TTC13: variants seen among roughly 807,000 people sequenced by gnomAD.
The protein encoded by TTC13 is tetratricopeptide repeat protein 13.
Under a neutral mutation model 120.0 loss-of-function variants are expected in TTC13, and 62 were observed. The ratio of observed to expected loss-of-function variants is 0.52; its 90% confidence interval spans 0.42 to 0.64. The LOEUF (loss-of-function observed/expected upper bound fraction) is 0.64. Ranked by LOEUF, TTC13 falls within the 30% of genes least tolerant of loss-of-function variation. The probability of loss-of-function intolerance (pLI) is 0.00; values close to 1 mark genes in which losing one functional copy is unlikely to be tolerated. For synonymous variants in TTC13, 384 were observed against 393.5 expected, an observed-to-expected ratio of 0.98 and a Z score of 0.28; for missense variants, 824 against 1,050.2, an observed-to-expected ratio of 0.78 and a Z score of 2.98.
chr1:230,952,845 TGTTAAA>T (rs1297270668), intron 4 of TTC13, among the ~76,000 whole-genome samples: 1 of 152,178 alleles, frequency 6.6e-6, no homozygotes, highest in Admixed American at 6.5e-5. Flanking sequence ...ATTTAAACAA[TGTTAAA>T]GTGGCAGAAT....
At chr1:230,926,677 G>A (rs1673079162) in intron 12 of TTC13, among the ~76,000 whole-genome samples, 1 of 152,146 alleles carries the variant, frequency 6.6e-6, no homozygotes, top group South Asian at 2.1e-4. Flanking sequence ...ACTCTTTTGT[G>A]CATCGAAATA....
intron 4 of TTC13, among the ~76,000 whole-genome samples, chr1:230,951,374 TAAA>T (rs1225960531): frequency 7.4e-6 from 1 of 135,768 alleles, no homozygotes. Flanking sequence ...ATGAGCTGTC[TAAA>T]AAAAAAAAAA....
chr1:230,933,270 G>A (rs1207572441), intron 9 of TTC13, among the ~76,000 whole-genome samples: 1 of 151,900 alleles, frequency 6.6e-6, no homozygotes, highest in Non-Finnish European at 1.5e-5. Flanking sequence ...ACCGCTCCCG[G>A]CTTACTTTTT....
chr1:230,908,595 T>G, intron 22 of TTC13, 117 bp downstream of exon 22: 1 of 751,962 alleles, frequency 1.3e-6, no homozygotes, highest in Non-Finnish European at 2.2e-6. Context: ...GTATTACATA[T>G]TAACTTATAA....
At chr1:230,955,418 C>G (rs1339095590) in intron 3 of TTC13, among the ~76,000 whole-genome samples, 5 of 151,090 alleles carry the variant, frequency 3.3e-5, no homozygotes, top group Non-Finnish European at 1.5e-5. Flanking sequence ...AATCCCAGCA[C>G]TTTGGGAGGC....
In TTC13 at chr1:230,978,619, C is replaced by A; in HGVS notation, c.212G>T (p.Gly71Val). The A allele has an allele frequency of 6.8e-7, 1 of 1,462,322 alleles. No individual in the cohort carries two copies. The highest frequency in any genetic ancestry group is 9.0e-7 in the Non-Finnish European group (1 of 1,111,782). The allele number at this position is 1,462,322 out of a possible 1,614,324, so 90.6% of individuals were successfully genotyped here. Residue 71 changes from glycine to valine, a missense_variant, in exon 1 of 23, where the codon GGC becomes GTC. Around this residue, in one of 4 missense-constraint regions of TTC13, gnomAD observed 160 missense variants for 137.2 expected, o/e 1.17. Transcript: ENST00000366661. This position sits in a 1 kb window ranked among gnomAD's most constrained non-coding sequence, Gnocchi z 5.6. ...CCCGGACTGCGGGCTGCAGCCGCCG[C>A]CGCCCGCCGGGGCCTCCTGCTGCTG... The part of the protein sequence containing the change: ...HRQQQEAPAG[G>V]GGCSPQSGDW...
At chr1:230,948,639 G>A (rs1381102026) in intron 4 of TTC13, among the ~76,000 whole-genome samples, 4 of 151,838 alleles carry the variant, frequency 2.6e-5, no homozygotes, top group Admixed American at 2.0e-4. Flanking sequence ...AGGAGTGCAC[G>A]ATCACACCAG....
Position 230,914,789 on chromosome 1 carries a change from T to C in TTC13, c.2093+1404A>G, listed in dbSNP as rs186251003. 2.7e-3 allele frequency among the ~76,000 whole-genome samples: 410 copies of C among 152,162 alleles called. 3 individuals carry two copies. The highest frequency in any genetic ancestry group is 9.4e-3 in the African/African-American group (389 of 41,520). On this transcript the variant is annotated intron_variant, in intron 18 of 22. Transcript: ENST00000366661. ...ATATAAAATATATGTTAATCAGCTGTTTATGTTTTTGGTAAGGCTTCTGGT... is the reference window on the plus strand; with the variant it reads ...ATATAAAATATATGTTAATCAGCTGCTTATGTTTTTGGTAAGGCTTCTGGT...
At chr1:230,918,012 C>A (rs1302705509) in intron 17 of TTC13, among the ~76,000 whole-genome samples, 1 of 152,134 alleles carries the variant, frequency 6.6e-6, no homozygotes, top group African/African-American at 2.4e-5. Context: ...AGTTGGGAGC[C>A]AAGATTACTA....
At chr1:230,935,180 A>C (rs1368355790) in intron 8 of TTC13, among the ~76,000 whole-genome samples, 2 of 152,200 alleles carry the variant, frequency 1.3e-5, no homozygotes, top group African/African-American at 4.8e-5. Context: ...TTGATCTTTT[A>C]AGACTTTACC....
chr1:230,934,458 C>T (rs1018343978), intron 8 of TTC13, among the ~76,000 whole-genome samples: 17 of 152,220 alleles, frequency 1.1e-4, no homozygotes, highest in African/African-American at 3.9e-4. Flanking sequence ...ATCGGCCTAA[C>T]ACCAAGTCTG....
intron 17 of TTC13, 67 bp from the exon 18 acceptor site, chr1:230,916,369 G>A: frequency 8.8e-7 from 1 of 1,142,420 alleles, no homozygotes. Context: ...CTGCAACTCT[G>A]TAGTGCTGGC....
At chr1:230,946,309 A>C (rs1285629083) in intron 4 of TTC13, among the ~76,000 whole-genome samples, 4 of 152,252 alleles carry the variant, frequency 2.6e-5, no homozygotes, top group Admixed American at 6.5e-5. Context: ...GATTCTCCAG[A>C]AAGAAACTCT....
At chr1:230,947,615 CCA>C (rs1351009131) in intron 4 of TTC13, among the ~76,000 whole-genome samples, 1 of 152,088 alleles carries the variant, frequency 6.6e-6, no homozygotes, top group Non-Finnish European at 1.5e-5. Context: ...CTGTGTTGAG[CCA>C]CATTCAAAGC....
At chr1:230,933,958 T>C (rs1477094976) in intron 8 of TTC13, 97 bp from the exon 9 acceptor site, 1 of 655,530 alleles carries the variant, frequency 1.5e-6, no homozygotes, top group Non-Finnish European at 2.4e-6. Context: ...TCCTAGTCTC[T>C]GACAGATTTT....
chr1:230,925,045 T>C, intron 13 of TTC13, 72 bp from the exon 14 acceptor site: 1 of 1,581,404 alleles, frequency 6.3e-7, no homozygotes, highest in Non-Finnish European at 8.7e-7. Context: ...TTACAGAGTC[T>C]CAGTGATAAC....
At chr1:230,959,088 A>G (rs1281683365) in intron 2 of TTC13, among the ~76,000 whole-genome samples, 2 of 152,264 alleles carry the variant, frequency 1.3e-5, no homozygotes, top group Non-Finnish European at 2.9e-5. Context: ...TTGTAAATAT[A>G]TAATTTTTAT....
intron 16 of TTC13, among the ~76,000 whole-genome samples, chr1:230,921,180 A>G: frequency 6.6e-6 from 1 of 152,346 alleles, no homozygotes; most frequent in African/African-American, 2.4e-5. Context: ...TTTATAGAAG[A>G]AAGAGACTAG....
chr1:230,907,563 CG>C (rs1671052017), intron 22 of TTC13, among the ~76,000 whole-genome samples: 1 of 152,232 alleles, frequency 6.6e-6, no homozygotes, highest in South Asian at 2.1e-4. Flanking sequence ...GCAAGACCTT[CG>C]GCCTGGTGGT....
Sources: allele counts gnomAD v4.1 joint callset (sites outside exome capture counted in the v4.1 genomes callset), GRCh38; gene constraint gnomAD v4.1.1; regional missense constraint gnomAD v4.1.1; non-coding constraint Gnocchi (gnomAD v3.1); transcripts MANE v1.5; gene names NCBI Gene and HGNC (gene_info 2026-07-23, HGNC 2026-07-21).